CSMD1: variants seen among roughly 807,000 people sequenced by gnomAD.
CSMD1 encodes the protein CUB and sushi domain-containing protein 1.
In CSMD1, 213 loss-of-function variants were observed where a neutral mutation model predicts 417.5. The ratio of observed to expected loss-of-function variants is 0.51; its 90% CI spans 0.46 to 0.57. The LOEUF is 0.57. Ranked by LOEUF, CSMD1 falls within the 20% of genes least tolerant of loss-of-function variation. CSMD1 has a pLI of 0.00. For synonymous variants in CSMD1, 2,862 were observed against 1,736.8 expected (o/e 1.65, Z -16.11); for missense variants, 6,923 against 4,529.7 (o/e 1.53, Z -15.17).
chr8:4,103,975 C>G (rs756097072), intron 3 of CSMD1, among the ~76,000 whole-genome samples: 3 of 152,186 alleles, frequency 2.0e-5, no homozygotes, highest in Non-Finnish European at 4.4e-5. Flanking sequence ...CGCGTGAGCT[C>G]CTGATGTTCT....
intron 1 of CSMD1, among the ~76,000 whole-genome samples, chr8:4,736,343 A>T (rs1329446245): frequency 6.6e-6 from 1 of 152,224 alleles, no homozygotes; most frequent in African/African-American, 2.4e-5. Flanking sequence ...TATTCAGATA[A>T]TAAGGAGATC....
At chr8:3,827,506 G>A (rs1802122385) in intron 5 of CSMD1, among the ~76,000 whole-genome samples, 1 of 152,162 alleles carries the variant, frequency 6.6e-6, no homozygotes, top group African/African-American at 2.4e-5. Flanking sequence ...TAATTCCTCT[G>A]TGACATCTAG....
At chr8:4,451,465 C>G (rs1229001385) in intron 2 of CSMD1, among the ~76,000 whole-genome samples, 1 of 152,182 alleles carries the variant, frequency 6.6e-6, no homozygotes, top group South Asian at 2.1e-4. Context: ...CATCAAGTCC[C>G]ACTCTCCTAA....
intron 37 of CSMD1, among the ~76,000 whole-genome samples, chr8:3,175,980 T>G (rs1254198203): frequency 6.6e-6 from 1 of 152,176 alleles, no homozygotes; most frequent in Non-Finnish European, 1.5e-5. Context: ...CAACAGTCTT[T>G]TGCTTGAGTT....
At chr8:3,363,504 T>C (rs998683406) in intron 20 of CSMD1, among the ~76,000 whole-genome samples, 1 of 147,584 alleles carries the variant, frequency 6.8e-6, no homozygotes, top group Non-Finnish European at 1.5e-5. Flanking sequence ...GTGAAAAATG[T>C]AGAAAGGCTT....
intron 12 of CSMD1, among the ~76,000 whole-genome samples, chr8:3,453,112 G>T (rs988557815): frequency 1.3e-5 from 2 of 152,106 alleles, no homozygotes; most frequent in African/African-American, 4.8e-5. Flanking sequence ...CATAGAGGTG[G>T]TTATAGTATT....
chr8:3,556,398 T>TAATA (rs1799145662), intron 10 of CSMD1, among the ~76,000 whole-genome samples: 3 of 140,486 alleles, frequency 2.1e-5, no homozygotes, highest in Non-Finnish European at 1.5e-5. Context: ...AATTAATATA[T>TAATA]ATATATATAT....
At chr8:4,477,840 T>G (rs1467659964) in intron 2 of CSMD1, among the ~76,000 whole-genome samples, 1 of 152,222 alleles carries the variant, frequency 6.6e-6, no homozygotes, top group Non-Finnish European at 1.5e-5. Context: ...TTTTGGTTTG[T>G]TTGCTTTAAC....
intron 5 of CSMD1, among the ~76,000 whole-genome samples, chr8:3,762,155 C>A (rs1798044086): frequency 6.6e-6 from 1 of 152,146 alleles, no homozygotes; most frequent in South Asian, 2.1e-4. Flanking sequence ...CGCCCCCATC[C>A]CCTGCTTTCT....
chr8:3,493,849 C>G, intron 10 of CSMD1, 123 bp from the exon 11 acceptor site: 1 of 656,014 alleles, frequency 1.5e-6, no homozygotes, highest in East Asian at 2.9e-5. Context: ...TCAAATGATC[C>G]CAGAGCTGCT....
At position 3,487,859 on chromosome 8, in the gene CSMD1, T is replaced by C. The variant is rs189428416; in HGVS notation, c.1448+5764A>G. ...CTCAAGGCATTGCTGAAACCTCACT[T>C]AGTAACATTACCAATTTTTTCTAAC... On this transcript the variant is annotated intron_variant, in intron 11 of 69. Coordinates refer to ENST00000635120, the MANE Select transcript of CSMD1 (RefSeq NM_033225.6). Among the ~76,000 whole-genome samples, 6 of 152,052 alleles carry C rather than the reference T, an allele frequency of 3.9e-5. No individual in the cohort carries two copies. The East Asian group carries it at 1.2e-3, about 29-fold the overall frequency.
At chr8:3,739,625 G>A (rs1391676731) in intron 6 of CSMD1, among the ~76,000 whole-genome samples, 1 of 152,084 alleles carries the variant, frequency 6.6e-6, no homozygotes, top group Non-Finnish European at 1.5e-5. Context: ...AGGCCTTTCT[G>A]TGCTGAACAT....
At chr8:3,647,164 G>A (rs1244977775) in intron 7 of CSMD1, among the ~76,000 whole-genome samples, 1 of 152,064 alleles carries the variant, frequency 6.6e-6, no homozygotes, top group Non-Finnish European at 1.5e-5. Flanking sequence ...TGGTCCTCCG[G>A]TGCAACTCAA....
chr8:3,883,361 G>C (rs1034098953), intron 5 of CSMD1, among the ~76,000 whole-genome samples: 7 of 151,986 alleles, frequency 4.6e-5, no homozygotes, highest in African/African-American at 1.7e-4. Flanking sequence ...TTAACATGAA[G>C]TTTTCCAGCT....
intron 52 of CSMD1, among the ~76,000 whole-genome samples, chr8:3,011,092 T>C (rs916854026): frequency 5.3e-5 from 8 of 152,190 alleles, no homozygotes; most frequent in Non-Finnish European, 1.2e-4. Context: ...ATAGATTTCA[T>C]AAAAGAAGAA....
At chr8:4,106,693 A>G (rs1801585690) in intron 3 of CSMD1, among the ~76,000 whole-genome samples, 1 of 152,204 alleles carries the variant, frequency 6.6e-6, no homozygotes, top group Non-Finnish European at 1.5e-5. Flanking sequence ...TTTCATACCA[A>G]GTCTTTAAGA....
At position 3,950,454 on chromosome 8, in the gene CSMD1, G is replaced by C. The variant is rs367626261; in HGVS notation, c.818+47449C>G. ...GTTCTTCTGGATCTCCAACGCATGA[G>C]TGGTTCAGCTGCTAATGCACAAACA... On this transcript the variant is annotated intron_variant, in intron 5 of 69. Coordinates refer to ENST00000635120, the MANE Select transcript of CSMD1 (RefSeq NM_033225.6). Among the ~76,000 whole-genome samples, 138 of 152,304 alleles carry C rather than the reference G, an allele frequency of 9.1e-4. 3 individuals carry two copies. The South Asian group carries it at 0.027, about 30-fold the overall frequency.
chr8:3,044,552 T>C (rs987381467), intron 50 of CSMD1, among the ~76,000 whole-genome samples: 2 of 152,090 alleles, frequency 1.3e-5, no homozygotes, highest in African/African-American at 4.8e-5. Context: ...TTAATACCAA[T>C]AGCCCTCACT....
chr8:4,901,196 C>T (rs868017099), intron 1 of CSMD1, among the ~76,000 whole-genome samples: 2 of 152,134 alleles, frequency 1.3e-5, no homozygotes, highest in Admixed American at 1.3e-4. Context: ...ATAGATCAAC[C>T]TCTTTTATTT....
Sources: gnomAD v4.1 joint callset for allele counts (sites outside exome capture counted in the v4.1 genomes callset) on GRCh38, gnomAD v4.1.1 for gene constraint, MANE v1.5 for transcripts, NCBI Gene and HGNC (gene_info 2026-07-23, HGNC 2026-07-21) for gene names.